Variants in RNF151 observed in about 807,000 individuals in gnomAD.
RNF151 encodes ring finger protein 151.
RNF151 carries 9 observed loss-of-function variants against 11.1 expected under a neutral mutation model. The ratio of observed to expected loss-of-function variants is 0.81; its 90% CI spans 0.49 to 1.42. The LOEUF is 1.42. Among genes scored for constraint, RNF151 ranks in the 40% most tolerant of loss-of-function variants. The pLI is 0.00. For synonymous variants in RNF151, 172 were observed against 140.7 expected, an observed-to-expected ratio of 1.22 and a Z score of -1.58; for missense variants, 372 against 342.9, an observed-to-expected ratio of 1.08 and a Z score of -0.67.
rs776743139 is a variant in RNF151 at position 1,968,699 on chromosome 16, G to C, written c.512G>C (p.Arg171Pro). 1.3e-6 allele frequency: 2 copies of C among 1,565,770 alleles called. No individual in the cohort carries two copies. The highest frequency in any genetic ancestry group is 2.7e-5 in the African/African-American group (2 of 73,734). ...YRELHNAWSV[R>P]QERRRPLLLS... is the part of the protein sequence containing the mutation. ...GAGCTGCACAACGCCTGGAGCGTGC[G>C]CCAGGAGCGCCGTCGGCCCCTGCTG... The change falls in exon 4 of 4, where the codon CGC becomes CCC. Residue 171 changes from arginine to proline, a missense_variant. By Grantham distance (103) the Arg-to-Pro change is moderately radical. Coordinates refer to ENST00000569714, the MANE Select transcript of RNF151 (RefSeq NM_174903.6).
At position 1,968,772 on chromosome 16, in the gene RNF151, C is replaced by T. The variant is rs759694586; in HGVS notation, c.585C>T (p.Val195=). The change falls in exon 4 of 4, where the codon GTC becomes GTT. Residue 195 remains valine, a synonymous_variant. Transcript: ENST00000569714. The part of the protein sequence containing the change: ...RVRWLDQATS[V]VRRELAELSN... ...GCTGGCTGGACCAAGCCACCAGTGT[C>T]GTTCGTAGAGAGCTGGCGGAGCTCA... 6.9e-6 allele frequency: 11 copies of T among 1,587,136 alleles called. No homozygotes were observed. The African/African-American group carries it at 8.1e-5, about 12-fold the overall frequency.
chr16:1,967,463 T>TG, intron 2 of RNF151, 44 bp downstream of exon 2: 2 of 1,551,240 alleles, frequency 1.3e-6, no homozygotes, highest in Non-Finnish European at 1.8e-6. Flanking sequence ...GGAGTGAGAC[T>TG]GGGGGCCATT....
chr16:1,967,031 G>A (rs2083316691), intron 1 of RNF151, 147 bp downstream of exon 1: 7 of 1,115,776 alleles, frequency 6.3e-6, no homozygotes, highest in Non-Finnish European at 5.1e-6. Context: ...AAACCTTCTG[G>A]AAGGCTCTGG....
rs771465933 is a variant in RNF151, at chr16:1,968,472, C to T, written c.285C>T (p.Pro95=). ...ACGCTGGCTGCATAGTGACATGCCCCCTGGCCCATCGCAAGGGGCACCAGG... is the reference window on the plus strand; with the variant it reads ...ACGCTGGCTGCATAGTGACATGCCCTCTGGCCCATCGCAAGGGGCACCAGG... ...NADAGCIVTC[P]LAHRKGHQDS... is the part of the protein sequence containing the mutation. The change falls in exon 4 of 4, where the codon CCC becomes CCT. Residue 95 remains proline, a synonymous_variant. Coordinates refer to ENST00000569714, the MANE Select transcript of RNF151 (RefSeq NM_174903.6). The T allele has an allele frequency of 4.4e-6, 7 of 1,586,782 alleles. No homozygotes were observed. In the East Asian group the frequency reaches 1.6e-4, roughly 36 times the overall value.
At chr16:1,967,550 CCTCA>C (rs1328636446) in intron 2 of RNF151, 131 bp downstream of exon 2, 2 of 981,652 alleles carry the variant, frequency 2.0e-6, no homozygotes, top group Non-Finnish European at 3.1e-6. Flanking sequence ...ATGTGTGTAC[CCTCA>C]CTCAGTAGTG....
intron 1 of RNF151, 42 bp downstream of exon 1, chr16:1,966,926 C>A: frequency 1.9e-6 from 3 of 1,550,044 alleles, no homozygotes; most frequent in Non-Finnish European, 2.6e-6. Flanking sequence ...GAGATGTGTG[C>A]CCAACTCCAG....
Position 1,968,877 on chromosome 16 carries a change from T to C in RNF151, c.690T>C (p.Val230=). ...EEAEAAPEGN[V]GAEVVGEPRA... ...CCGAGGCTGCCCCAGAAGGCAACGT[T>C]GGGGCTGAGGTGGTGGGGGAGCCCA... The change falls in exon 4 of 4, where the codon GTT becomes GTC. Residue 230 remains valine, a synonymous_variant. Transcript: ENST00000569714. 1.2e-6 allele frequency: 2 copies of C among 1,600,986 alleles called. No individual in the cohort carries two copies. Among genetic ancestry groups the C allele is most frequent in the Non-Finnish European group, 1.7e-6 (2 of 1,174,610 alleles).
intron 1 of RNF151, 155 bp from the exon 2 acceptor site, chr16:1,967,119 C>A: frequency 1.8e-6 from 1 of 566,378 alleles, no homozygotes; most frequent in Non-Finnish European, 2.2e-6. Context: ...CTAACCCCCA[C>A]AGCTGCCCCC....
At chr16:1,967,494 G>A in intron 2 of RNF151, 75 bp downstream of exon 2, 1 of 1,384,836 alleles carries the variant, frequency 7.2e-7, no homozygotes, top group East Asian at 2.4e-5. Context: ...AGAACAGAGG[G>A]GAAAGTCAGC....
chr16:1,968,042 T>C (rs1217093216), intron 3 of RNF151: 3 of 700,682 alleles, frequency 4.3e-6, no homozygotes, highest in Admixed American at 2.0e-5. Flanking sequence ...GGTTAGAAAA[T>C]GGAGATTTTA....
In RNF151 at chr16:1,967,613, G is replaced by A. The variant is rs1198127394; in HGVS notation, c.150-112G>A. ...CAGAGCTGAGAGCGCCCTGTAATAT[G>A]CCCTAATGCCTCATCCAGCTAATGA... On this transcript the variant is annotated intron_variant, in intron 2 of 3. Coordinates refer to ENST00000569714, the MANE Select transcript of RNF151 (RefSeq NM_174903.6). 5.1e-6 allele frequency: 5 copies of A among 978,658 alleles called. No homozygotes were observed. The South Asian group carries it at 7.1e-5, about 14-fold the overall frequency. The allele number at this position is 978,658 out of a possible 1,614,324, so 60.6% of individuals were successfully genotyped here.
intron 1 of RNF151, 88 bp from the exon 2 acceptor site, chr16:1,967,186 C>A: frequency 6.6e-7 from 1 of 1,505,946 alleles, no homozygotes; most frequent in Non-Finnish European, 8.9e-7. Flanking sequence ...CACCTCCCTG[C>A]CAAAAGCTTG....
Position 1,968,596 on chromosome 16 carries a change from G to C in RNF151, c.409G>C (p.Gly137Arg). ...AGAGCACCGGCAGCATTGCCAGCAAGGGTCCCAGCAGCGCTGCCCCCTGGG... is the reference window on the plus strand; with the variant it reads ...AGAGCACCGGCAGCATTGCCAGCAACGGTCCCAGCAGCGCTGCCCCCTGGG... ...LAEHRQHCQQ[G>R]SQQRCPLGCG... The change falls in exon 4 of 4, where the codon GGG (glycine) becomes CGG (arginine). Residue 137 changes from glycine to arginine, a missense_variant. Transcript: ENST00000569714. 1 of 1,589,042 alleles carries C rather than the reference G, an allele frequency of 6.3e-7. No homozygotes were observed. Among genetic ancestry groups the C allele is most frequent in the Non-Finnish European group, 8.6e-7 (1 of 1,168,740 alleles).
Position 1,967,792 on chromosome 16 carries a change from C to T in RNF151, c.217C>T (p.Arg73Trp), listed in dbSNP as rs192062368. 1.2e-4 allele frequency: 201 copies of T among 1,610,944 alleles called. No individual in the cohort carries two copies. Among genetic ancestry groups the T allele is most frequent in the Admixed American group, 1.7e-4 (10 of 59,648 alleles). ...AAAGGTTGTCCACATGAATAAACTC[C>T]GGAAAACCATTGGCCGCCTGGAAGT... ...RKKVVHMNKL[R>W]KTIGRLEVKC... The change falls in exon 3 of 4, where the codon CGG becomes TGG. Residue 73 changes from arginine to tryptophan, a missense_variant. Arg to Trp is a moderately radical substitution (Grantham distance 101). Transcript: ENST00000569714.
intron 3 of RNF151, 133 bp from the exon 4 acceptor site, chr16:1,968,300 CT>C (rs2083329026): frequency 8.6e-7 from 1 of 1,167,044 alleles, no homozygotes; most frequent in Admixed American, 2.9e-5. Context: ...CCAGTGTTCT[CT>C]CCACCAACTC....
At position 1,968,748 on chromosome 16, in the gene RNF151, C is replaced by G. The variant is rs371709571; in HGVS notation, c.561C>G (p.Arg187=). 1 of 1,577,726 alleles carries G rather than the reference C, an allele frequency of 6.3e-7. No individual in the cohort carries two copies. Among genetic ancestry groups the G allele is most frequent in the South Asian group, 1.2e-5 (1 of 86,350 alleles). The part of the protein sequence containing the change: ...PLLLSLLRRV[R]WLDQATSVVR... ...TGCTGTCCCTCCTGCGGCGTGTGCG[C>G]TGGCTGGACCAAGCCACCAGTGTCG... Residue 187 remains arginine (R), a synonymous_variant, in exon 4 of 4, where the codon CGC becomes CGG. Transcript: ENST00000569714.
At chr16:1,967,953 T>G in intron 3 of RNF151, 132 bp downstream of exon 3, 1 of 748,470 alleles carries the variant, frequency 1.3e-6, no homozygotes, top group Non-Finnish European at 2.4e-6. Flanking sequence ...CGACCAGACA[T>G]AGCTGAGTTT....
Position 1,967,331 on chromosome 16 carries a change from T to TC in RNF151, c.63dup (p.Val22ArgfsTer37), listed in dbSNP as rs1287171765. The TC allele has an allele frequency of 1.2e-6, 2 of 1,613,642 alleles. No individual in the cohort carries two copies. The highest frequency in any genetic ancestry group is 1.7e-6 in the Non-Finnish European group (2 of 1,179,858). On this transcript the variant is annotated frameshift_variant, in exon 2 of 4. Transcript: ENST00000569714. LOFTEE classifies it high-confidence loss of function. ...CCCTCCTGACAGCAACTTCGTGTGC[T>TC]CCGTCTGCCATGGGGTTCTCAAGAG...
Position 1,968,563 on chromosome 16 carries a change from A to T in RNF151, c.376A>T (p.Thr126Ser). ...EGCTSQVPRG[T>S]LAEHRQHCQQ... ...CTGCACCTCGCAGGTGCCGCGTGGG[A>T]CCCTGGCAGAGCACCGGCAGCATTG... is the stretch of plus-strand genomic sequence containing the variant. The change falls in exon 4 of 4, where the codon ACC becomes TCC. Residue 126 changes from threonine to serine, a missense_variant. Transcript: ENST00000569714. 1 of 1,606,798 alleles carries T rather than the reference A, an allele frequency of 6.2e-7. No homozygotes were observed. Among genetic ancestry groups the T allele is most frequent in the Non-Finnish European group, 8.5e-7 (1 of 1,177,476 alleles).
Sources: gnomAD v4.1 joint callset for allele counts on GRCh38, gnomAD v4.1.1 for gene constraint, MANE v1.5 for transcripts, NCBI Gene and HGNC (gene_info 2026-07-23, HGNC 2026-07-21) for gene names.